RIT1: variants seen among roughly 807,000 people sequenced by gnomAD.
RIT1 encodes the protein GTP-binding protein Rit1.
A neutral mutation model predicts 25.6 loss-of-function variants in RIT1; 6 were observed. That is an observed-to-expected ratio of 0.23 (90% CI 0.13 to 0.46). The LOEUF (loss-of-function observed/expected upper bound fraction) is 0.46, where lower values mean the gene tolerates loss of function less well. Among genes scored for constraint, RIT1 ranks in the 20% least tolerant of loss-of-function variants. RIT1 has a pLI of 0.99. For synonymous variants in RIT1, 81 were observed against 94.1 expected, an observed-to-expected ratio of 0.86 and a Z score of 0.80; for missense variants, 219 against 284.4, an observed-to-expected ratio of 0.77 and a Z score of 1.65.
At chr1:155,910,912 C>T in intron 1 of RIT1, 108 bp from the exon 2 acceptor site, 1 of 1,556,216 alleles carries the variant, frequency 6.4e-7, no homozygotes, top group Middle Eastern at 1.7e-4. Context: ...CCCTCTTACT[C>T]TGGCCTGTCC....
chr1:155,906,645 C>T (rs943395373), intron 3 of RIT1, among the ~76,000 whole-genome samples: 13 of 150,928 alleles, frequency 8.6e-5, no homozygotes, highest in African/African-American at 3.2e-4. Flanking sequence ...CCTGTAATCC[C>T]AGCTACTTGG....
chr1:155,898,511 AAAAAAAAATATATATAT>A lies in RIT1; in HGVS notation c.*1860_*1876del, dbSNP rs1673234533. 8.9e-6 allele frequency: 1 copy of A among 112,442 alleles called. No homozygotes were observed. Among genetic ancestry groups the A allele is most frequent in the Non-Finnish European group, 1.8e-5 (1 of 56,616 alleles). The allele number at this position is 112,442 out of a possible 1,614,324, so 7.0% of individuals were successfully genotyped here. A position where few individuals can be genotyped will look rare whatever the true frequency, so the allele number is the denominator to read the frequency against. Reference sequence around the variant, plus strand: ...TCTATTTAAAAAAAAAAAAAAAAAAAAAAAAAAATATATATATATATATATATATATATCTCTTAATG... The same window carrying A: ...TCTATTTAAAAAAAAAAAAAAAAAAAATATATATATATATATCTCTTAATG... On this transcript the variant is annotated 3_prime_UTR_variant, in exon 6 of 6. Transcript: ENST00000368323.
chr1:155,907,551 C>T (rs1008901558), intron 3 of RIT1, among the ~76,000 whole-genome samples: 2 of 152,178 alleles, frequency 1.3e-5, no homozygotes, highest in African/African-American at 4.8e-5. Context: ...CCTCCGCACC[C>T]GGCCTTGTAT....
chr1:155,901,794 A>G (rs2102582192), intron 5 of RIT1, among the ~76,000 whole-genome samples: 1 of 151,948 alleles, frequency 6.6e-6, no homozygotes, highest in Non-Finnish European at 1.5e-5. Flanking sequence ...CTCCAGCCTC[A>G]GTGACAGAGC....
chr1:155,897,869 A>G lies in RIT1; in HGVS notation c.*2519T>C. On this transcript the variant is annotated 3_prime_UTR_variant, in exon 6 of 6. Transcript: ENST00000368323. Reference sequence around the variant, plus strand: ...CTTCACATACAAGTGCATTAAAAAAATTATCCCCCCCTCCTCCTCCCCAAA... The same window carrying G: ...CTTCACATACAAGTGCATTAAAAAAGTTATCCCCCCCTCCTCCTCCCCAAA... The G allele has an allele frequency of 6.6e-6, 1 of 152,300 alleles. No homozygotes were observed. The highest frequency in any genetic ancestry group is 1.5e-5 in the Non-Finnish European group (1 of 68,026). The allele number at this position is 152,300 out of a possible 1,614,324, so 9.4% of individuals were successfully genotyped here.
chr1:155,906,588 C>T (rs1673443523), intron 3 of RIT1, among the ~76,000 whole-genome samples: 1 of 151,136 alleles, frequency 6.6e-6, no homozygotes, highest in African/African-American at 2.4e-5. Flanking sequence ...TGGTGAAACC[C>T]CATCTCTACT....
rs1206873288 is a variant in RIT1 at position 155,904,359 on chromosome 1, T to C, written c.381A>G (p.Thr127=). 6.2e-7 allele frequency: 1 copy of C among 1,614,022 alleles called. No individual in the cohort carries two copies. Among genetic ancestry groups the C allele is most frequent in the Admixed American group, 1.7e-5 (1 of 59,992 alleles). Residue 127 remains threonine (T), a synonymous_variant, in exon 5 of 6, where the codon ACA becomes ACG. Transcript: ENST00000368323. ...ACTTGTTTCCCACAAGAACCACAGG[T>C]GTATCGTCAGTACGTCGGACTCGAT... ...LIYRVRRTDD[T]PVVLVGNKSD...
chr1:155,909,032 A>T (rs1557962022), intron 3 of RIT1, among the ~76,000 whole-genome samples: 2 of 152,102 alleles, frequency 1.3e-5, no homozygotes, highest in Admixed American at 1.3e-4. Flanking sequence ...GGCCTGACCC[A>T]ATGGAAATCC....
intron 3 of RIT1, among the ~76,000 whole-genome samples, chr1:155,905,749 T>A (rs1237608467): frequency 2.0e-5 from 3 of 152,120 alleles, no homozygotes; most frequent in African/African-American, 7.2e-5. Context: ...AATCCAAGAT[T>A]GCTGAACTGA....
chr1:155,900,671 CA>C, intron 5 of RIT1, 53 bp from the exon 6 acceptor site: 6 of 1,477,732 alleles, frequency 4.1e-6, no homozygotes, highest in Non-Finnish European at 5.6e-6. Context: ...TTAAATTGTC[CA>C]AAAACCTGAA....
At chr1:155,901,478 C>T (rs1167298563) in intron 5 of RIT1, among the ~76,000 whole-genome samples, 1 of 151,696 alleles carries the variant, frequency 6.6e-6, no homozygotes, top group African/African-American at 2.4e-5. Flanking sequence ...CCTGTCTCCA[C>T]TTAAAAAAAA....
chr1:155,904,039 C>T (rs954073233), intron 5 of RIT1, among the ~76,000 whole-genome samples: 2 of 152,178 alleles, frequency 1.3e-5, no homozygotes, highest in African/African-American at 4.8e-5. Flanking sequence ...GCTGGGACCA[C>T]ATGTGCATGC....
rs369138238 is a variant in RIT1 at position 155,903,189 on chromosome 1, G to A, written c.429+1122C>T. Among the ~76,000 whole-genome samples, 64 of 152,050 alleles carry A rather than the reference G, an allele frequency of 4.2e-4. No individual in the cohort carries two copies. The South Asian group carries it at 0.011, about 27-fold the overall frequency. On this transcript the variant is annotated intron_variant, in intron 5 of 5. Coordinates refer to ENST00000368323, the MANE Select transcript of RIT1 (RefSeq NM_006912.6). ...CGGACACCTGTAGTCCCAGCTACTC[G>A]GGAGGCTGAGGCAGAAGAATGGCAT...
chr1:155,901,552 C>T (rs1298271315), intron 5 of RIT1, among the ~76,000 whole-genome samples: 1 of 152,004 alleles, frequency 6.6e-6, no homozygotes, highest in Non-Finnish European at 1.5e-5. Context: ...GCAGGAGAAT[C>T]GCTTAAACCT....
intron 3 of RIT1, among the ~76,000 whole-genome samples, chr1:155,906,762 CAAAAAAAA>C (rs59899087): frequency 2.7e-3 from 67 of 24,934 alleles, no homozygotes; most frequent in African/African-American, 6.7e-3. Context: ...TTCTCCGTCT[CAAAAAAAA>C]AAAAAAAAAA....
At chr1:155,906,738 C>G (rs1245027104) in intron 3 of RIT1, among the ~76,000 whole-genome samples, 1 of 101,478 alleles carries the variant, frequency 9.9e-6, no homozygotes, top group Admixed American at 1.5e-4. Context: ...CTAGCCTGGG[C>G]AACAGGAGTG....
intron 5 of RIT1, among the ~76,000 whole-genome samples, chr1:155,903,955 A>C (rs1437208998): frequency 6.6e-6 from 1 of 152,194 alleles, no homozygotes; most frequent in Non-Finnish European, 1.5e-5. Flanking sequence ...GGCTGCAGTA[A>C]GCTGTAGCCC....
intron 3 of RIT1, among the ~76,000 whole-genome samples, chr1:155,909,360 A>G (rs1332004758): frequency 6.6e-6 from 1 of 151,656 alleles, no homozygotes; most frequent in African/African-American, 2.4e-5. Flanking sequence ...CCCGGGCAAC[A>G]GGGTGAGACA....
In RIT1 at chr1:155,903,471, AAAAG is replaced by A. The variant is rs1175766442; in HGVS notation, c.429+836_429+839del. Among the ~76,000 whole-genome samples the A allele has an allele frequency of 2.8e-4, 43 of 151,328 alleles. 1 individual carries two copies. In the South Asian group the frequency reaches 7.8e-3, roughly 27 times the overall value. On this transcript the variant is annotated intron_variant, in intron 5 of 5. Coordinates refer to ENST00000368323, the MANE Select transcript of RIT1 (RefSeq NM_006912.6). ...CTGTCTCAAAAAAAAAAAAAAAAAA[AAAAG>A]AAAGAAACACAAAGGGAGGGAAAGA...
Sources: gnomAD v4.1 joint callset for allele counts (sites outside exome capture counted in the v4.1 genomes callset) on GRCh38, gnomAD v4.1.1 for gene constraint, MANE v1.5 for transcripts, NCBI Gene and HGNC (gene_info 2026-07-23, HGNC 2026-07-21) for gene names.